The following NYAP2 variants were observed in gnomAD, a reference collection of about 807,000 sequenced individuals.
The protein encoded by NYAP2 is neuronal tyrosine-phosphorylated phosphoinositide-3-kinase adapter 2.
NYAP2 carries 23 observed loss-of-function variants against 50.4 expected under a neutral mutation model. The observed-to-expected ratio is 0.46, with a 90% CI of 0.33 to 0.65. The LOEUF (loss-of-function observed/expected upper bound fraction) is 0.65. NYAP2 is among the 30% of genes least tolerant of loss of function. NYAP2 has a pLI of 0.02. For missense variants in NYAP2, 885 were observed against 861.0 expected (o/e 1.03, Z -0.35); for synonymous variants, 394 against 365.2 (o/e 1.08, Z -0.90).
At chr2:225,486,411 T>C (rs1690299487) in intron 3 of NYAP2, among the ~76,000 whole-genome samples, 1 of 152,152 alleles carries the variant, frequency 6.6e-6, no homozygotes, top group Non-Finnish European at 1.5e-5. Context: ...GAGGTAAATG[T>C]TCTAAGCTTT....
chr2:225,466,493 T>G (rs1689920851), intron 3 of NYAP2, among the ~76,000 whole-genome samples: 1 of 152,236 alleles, frequency 6.6e-6, no homozygotes, highest in Admixed American at 6.5e-5. Flanking sequence ...ACCGCAGGTG[T>G]GAGCTTTGCT....
At chr2:225,517,139 A>G (rs1690950466) in intron 4 of NYAP2, among the ~76,000 whole-genome samples, 1 of 152,028 alleles carries the variant, frequency 6.6e-6, no homozygotes, top group East Asian at 1.9e-4. Flanking sequence ...CATTAAAAAT[A>G]TATGTTTACT....
At chr2:225,508,900 C>A (rs925391029) in intron 3 of NYAP2, among the ~76,000 whole-genome samples, 1 of 152,210 alleles carries the variant, frequency 6.6e-6, no homozygotes, top group African/African-American at 2.4e-5. Context: ...CTGAGCCACA[C>A]ACCTCCATGG....
intron 5 of NYAP2, 143 bp downstream of exon 5, chr2:225,583,178 T>C: frequency 5.7e-6 from 6 of 1,056,184 alleles, no homozygotes; most frequent in Non-Finnish European, 6.6e-6. Context: ...CAAAATGTGT[T>C]AGTTCATTTT....
At chr2:225,615,888 G>A (rs1166027200) in intron 5 of NYAP2, among the ~76,000 whole-genome samples, 1 of 152,188 alleles carries the variant, frequency 6.6e-6, no homozygotes, top group East Asian at 1.9e-4. Flanking sequence ...GAAAGAGCAT[G>A]GCAGAGCAGG....
intron 3 of NYAP2, among the ~76,000 whole-genome samples, chr2:225,487,087 G>A (rs753825495): frequency 6.6e-6 from 1 of 152,212 alleles, no homozygotes; most frequent in Non-Finnish European, 1.5e-5. Flanking sequence ...AACACCCTCT[G>A]GGGAATGAGT....
the NYAP2 span, among the ~76,000 whole-genome samples, chr2:225,662,555 G>C: frequency 2.0e-5 from 3 of 152,232 alleles, no homozygotes; most frequent in Non-Finnish European, 4.4e-5. Flanking sequence ...AACCCCAACT[G>C]TACTGTCATG....
At chr2:225,536,474 G>A (rs938905544) in intron 4 of NYAP2, among the ~76,000 whole-genome samples, 1 of 152,312 alleles carries the variant, frequency 6.6e-6, no homozygotes, top group South Asian at 2.1e-4. Flanking sequence ...AGAAAAGAAT[G>A]TGCTGATGGG....
chr2:225,702,521 G>A, the NYAP2 span: 1 of 151,498 alleles, frequency 6.6e-6, no homozygotes, highest in Non-Finnish European at 1.5e-5. Context: ...TTCAGATCAA[G>A]TGTATAGTCA....
At chr2:225,433,690 G>T (rs530730085) in intron 3 of NYAP2, among the ~76,000 whole-genome samples, 1 of 151,584 alleles carries the variant, frequency 6.6e-6, no homozygotes, top group Non-Finnish European at 1.5e-5. Flanking sequence ...GATGGCGGGC[G>T]CCTGTAGTCC....
At chr2:225,514,186 T>G (rs138328846) in intron 4 of NYAP2, among the ~76,000 whole-genome samples, 3 of 152,324 alleles carry the variant, frequency 2.0e-5, no homozygotes, top group African/African-American at 7.2e-5. Flanking sequence ...TCTGCCTGTG[T>G]TTTTTCTCAG....
chr2:225,629,895 A>G (rs1356145425), intron 6 of NYAP2, among the ~76,000 whole-genome samples: 1 of 152,196 alleles, frequency 6.6e-6, no homozygotes, highest in Non-Finnish European at 1.5e-5. Context: ...TGAGATTTCA[A>G]CATGAGTTTT....
At chr2:225,421,909 C>A (rs1421098090) in intron 3 of NYAP2, among the ~76,000 whole-genome samples, 1 of 152,178 alleles carries the variant, frequency 6.6e-6, no homozygotes, top group African/African-American at 2.4e-5. Context: ...ACATTCATTT[C>A]TAGAAATCAA....
intron 4 of NYAP2, among the ~76,000 whole-genome samples, chr2:225,564,697 A>G (rs989176175): frequency 6.6e-6 from 1 of 151,634 alleles, no homozygotes; most frequent in Non-Finnish European, 1.5e-5. Flanking sequence ...AAAAAAAAAA[A>G]CATGCTCACT....
intron 5 of NYAP2, among the ~76,000 whole-genome samples, chr2:225,593,564 C>CT (rs756200055): frequency 2.2e-4 from 34 of 152,300 alleles, no homozygotes; most frequent in Middle Eastern, 6.8e-3. Context: ...TCTTTGACTA[C>CT]TTTTTTTCAA....
At chr2:225,502,065 A>C (rs1021221367) in intron 3 of NYAP2, among the ~76,000 whole-genome samples, 2 of 152,260 alleles carry the variant, frequency 1.3e-5, no homozygotes, top group Admixed American at 6.5e-5. Flanking sequence ...GTATAACTTA[A>C]AAGTTTGGAT....
rs137993007 is a variant in NYAP2 at position 225,406,838 on chromosome 2, T to C, written c.-17-2026T>C. ...GACCACTTAGGAAGGTAATTAACTTTCAGAGGTAAACAAATAAACTTATTG... is the reference window on the plus strand; with the variant it reads ...GACCACTTAGGAAGGTAATTAACTTCCAGAGGTAAACAAATAAACTTATTG... On this transcript the variant is annotated intron_variant, in intron 2 of 6. Transcript: ENST00000636099. 2.4e-3 allele frequency among the ~76,000 whole-genome samples: 364 copies of C among 152,164 alleles called. 1 individual carries two copies. Among genetic ancestry groups the C allele is most frequent in the African/African-American group, 8.2e-3 (339 of 41,544 alleles).
At chr2:225,606,721 T>C (rs763821188) in intron 5 of NYAP2, among the ~76,000 whole-genome samples, 22 of 152,160 alleles carry the variant, frequency 1.4e-4, no homozygotes, top group Non-Finnish European at 2.5e-4. Flanking sequence ...AGATAATTGG[T>C]CTACTTTCTT....
chr2:225,544,777 G>GT (rs1010729582), intron 4 of NYAP2, among the ~76,000 whole-genome samples: 3 of 151,950 alleles, frequency 2.0e-5, no homozygotes, highest in African/African-American at 4.8e-5. Flanking sequence ...TTACCAGTTA[G>GT]TTTTTTACCT....
Sources: gnomAD v4.1 joint callset for allele counts (sites outside exome capture counted in the v4.1 genomes callset) on GRCh38, gnomAD v4.1.1 for gene constraint, MANE v1.5 for transcripts, NCBI Gene and HGNC (gene_info 2026-07-23, HGNC 2026-07-21) for gene names.